Variants in ACBD7 observed in about 807,000 individuals in gnomAD.
The protein encoded by ACBD7 is acyl-CoA-binding domain-containing protein 7.
In ACBD7, 11 loss-of-function variants were observed where a neutral mutation model predicts 13.7. The ratio of observed to expected loss-of-function variants is 0.80; its 90% CI spans 0.50 to 1.33. ACBD7 has a LOEUF of 1.33. Among genes scored for constraint, ACBD7 ranks in the 40% most tolerant of loss-of-function variants. The pLI is 0.00. For missense variants in ACBD7, 111 were observed against 103.0 expected, an observed-to-expected ratio of 1.08 and a Z score of -0.33; for synonymous variants, 43 against 37.7, an observed-to-expected ratio of 1.14 and a Z score of -0.51.
intron 1 of ACBD7, among the ~76,000 whole-genome samples, chr10:15,085,002 C>G (rs1400873574): frequency 6.6e-6 from 1 of 152,338 alleles, no homozygotes; most frequent in African/African-American, 2.4e-5. Context: ...ACCCTATTCT[C>G]CTGCCTCATC....
chr10:15,079,979 A>G (rs1844732166), intron 1 of ACBD7, among the ~76,000 whole-genome samples: 1 of 150,418 alleles, frequency 6.6e-6, no homozygotes, highest in Non-Finnish European at 1.5e-5. Context: ...CAACTTTACT[A>G]CATGCAGGGG....
intron 1 of ACBD7, among the ~76,000 whole-genome samples, chr10:15,082,749 T>C (rs1844764217): frequency 6.6e-6 from 1 of 151,934 alleles, no homozygotes; most frequent in African/African-American, 2.4e-5. Context: ...TGAAAACCCA[T>C]ATGAGGGCTG....
Position 15,079,083 on chromosome 10 carries a change from A to G in ACBD7, c.13-43T>C, listed in dbSNP as rs762056312. 4 of 1,377,076 alleles carry G rather than the reference A, an allele frequency of 2.9e-6. No individual in the cohort carries two copies. The Admixed American group carries it at 5.5e-5, about 19-fold the overall frequency. 85.3% of individuals were successfully genotyped at this position (1,377,076 alleles called of 1,614,324 possible). A position where few individuals can be genotyped will look rare whatever the true frequency, so the allele number is the denominator to read the frequency against. The stretch of plus-strand genomic sequence containing the variant: ...AAACAAACAAAAGGAGCATTTTACC[A>G]CCAAGGAATAGGAACTCAAAGAGCA... On this transcript the variant is annotated intron_variant, in intron 1 of 3. Coordinates refer to ENST00000356189, the MANE Select transcript of ACBD7 (RefSeq NM_001039844.3).
chr10:15,082,789 C>A (rs1482264210), intron 1 of ACBD7, among the ~76,000 whole-genome samples: 1 of 152,100 alleles, frequency 6.6e-6, no homozygotes, highest in Non-Finnish European at 1.5e-5. Flanking sequence ...GTAATCCCAG[C>A]ATTTTGGGAG....
At chr10:15,085,049 T>G (rs577188848) in intron 1 of ACBD7, among the ~76,000 whole-genome samples, 1 of 152,356 alleles carries the variant, frequency 6.6e-6, no homozygotes, top group South Asian at 2.1e-4. Flanking sequence ...AGTATCCTGT[T>G]GCAGAGCTGG....
At chr10:15,078,647 G>A in intron 3 of ACBD7, 44 bp from the exon 4 acceptor site, 1 of 1,613,990 alleles carries the variant, frequency 6.2e-7, no homozygotes, top group African/African-American at 1.3e-5. Flanking sequence ...GGTGCACTGG[G>A]AAATTAAGAA....
chr10:15,080,282 A>G (rs969699180), intron 1 of ACBD7, among the ~76,000 whole-genome samples: 3 of 152,162 alleles, frequency 2.0e-5, no homozygotes, highest in African/African-American at 7.2e-5. Flanking sequence ...TGGAAACTCT[A>G]TATACAATGT....
Position 15,087,172 on chromosome 10 carries a change from C to T in ACBD7, c.12+1545G>A, listed in dbSNP as rs184173908. On this transcript the variant is annotated intron_variant, in intron 1 of 3. Transcript: ENST00000356189. ...TCCAGCCTGGGTGACAGAGTGAGAC[C>T]CTGTCTCAAAACAAACAAACTAAAT... 5.2e-3 allele frequency among the ~76,000 whole-genome samples: 786 copies of T among 151,748 alleles called. 10 individuals carry two copies. The highest frequency in any genetic ancestry group is 0.018 in the African/African-American group (737 of 41,388).
At chr10:15,085,031 A>T (rs1159719433) in intron 1 of ACBD7, among the ~76,000 whole-genome samples, 2 of 152,206 alleles carry the variant, frequency 1.3e-5, no homozygotes, top group Non-Finnish European at 2.9e-5. Context: ...AAGGCATCAC[A>T]GTTTTGCAGT....
chr10:15,082,581 G>A (rs12244290), intron 1 of ACBD7, among the ~76,000 whole-genome samples: 3,439 of 152,262 alleles, frequency 0.023, 147 homozygotes, highest in African/African-American at 0.079. Flanking sequence ...TGAGCTGCTT[G>A]AGGGCAAGGC....
Position 15,076,877 on chromosome 10 carries a change from A to G in ACBD7, c.*1653T>C. The stretch of plus-strand genomic sequence containing the variant: ...TTATTGTAACAGAACAGATGAGCCA[A>G]AAGAACAAACAGCTGTTCAAATCTG... On this transcript the variant is annotated 3_prime_UTR_variant, in exon 4 of 4. Transcript: ENST00000356189. 1.0e-6 allele frequency: 1 copy of G among 985,444 alleles called. No homozygotes were observed. The highest frequency in any genetic ancestry group is 1.2e-6 in the Non-Finnish European group (1 of 829,934). 61.0% of individuals were successfully genotyped at this position (985,444 alleles called of 1,614,324 possible).
intron 1 of ACBD7, among the ~76,000 whole-genome samples, chr10:15,087,468 T>C (rs10906826): frequency 0.038 from 5,748 of 152,286 alleles, 119 homozygotes; most frequent in African/African-American, 0.042. Context: ...TATGAAATTT[T>C]GTGCATGTAA....
chr10:15,088,682 G>GC, intron 1 of ACBD7, 35 bp downstream of exon 1: 1 of 1,592,036 alleles, frequency 6.3e-7, no homozygotes. Flanking sequence ...CTCGCGGAGC[G>GC]CCCCTCCCGC....
chr10:15,086,728 G>A (rs1322470329), intron 1 of ACBD7, among the ~76,000 whole-genome samples: 1 of 151,972 alleles, frequency 6.6e-6, no homozygotes, highest in South Asian at 2.1e-4. Flanking sequence ...ATACAAAAAA[G>A]GAAAGCCTGG....
intron 2 of ACBD7, 57 bp downstream of exon 2, chr10:15,078,864 TCG>T: frequency 8.1e-7 from 1 of 1,237,832 alleles, no homozygotes; most frequent in Non-Finnish European, 1.1e-6. Context: ...TATATTATAA[TCG>T]CAATTAATAT....
At chr10:15,083,524 C>G (rs1844773300) in intron 1 of ACBD7, among the ~76,000 whole-genome samples, 1 of 152,198 alleles carries the variant, frequency 6.6e-6, no homozygotes, top group Admixed American at 6.5e-5. Context: ...CTCTGTTGTC[C>G]AAGCTAGAGT....
In ACBD7 at chr10:15,076,368, T is replaced by G; in HGVS notation, c.*2162A>C. On this transcript the variant is annotated 3_prime_UTR_variant, in exon 4 of 4. Transcript: ENST00000356189. ...GAACTGAACATATGGGGTACAGTAG[T>G]GGTACAGTTTATCACTAGATACATT... 2 of 985,316 alleles carry G rather than the reference T, an allele frequency of 2.0e-6. No homozygotes were observed. The allele number at this position is 985,316 out of a possible 1,614,324, so 61.0% of individuals were successfully genotyped here. A position where few individuals can be genotyped will look rare whatever the true frequency, so the allele number is the denominator to read the frequency against.
intron 1 of ACBD7, among the ~76,000 whole-genome samples, chr10:15,086,601 C>T (rs1844811850): frequency 6.6e-6 from 1 of 152,184 alleles, no homozygotes; most frequent in African/African-American, 2.4e-5. Flanking sequence ...TTGAGCCAGG[C>T]AAGGTGGCTC....
At chr10:15,086,022 T>G (rs565946405) in intron 1 of ACBD7, among the ~76,000 whole-genome samples, 2 of 152,168 alleles carry the variant, frequency 1.3e-5, no homozygotes, top group Non-Finnish European at 1.5e-5. Context: ...TAAAAGTTAC[T>G]TTCAGCTGGG....
Sources: gnomAD v4.1 joint callset for allele counts (sites outside exome capture counted in the v4.1 genomes callset) on GRCh38, gnomAD v4.1.1 for gene constraint, MANE v1.5 for transcripts, NCBI Gene and HGNC (gene_info 2026-07-23, HGNC 2026-07-21) for gene names.